The following EFCAB7 variants were observed in gnomAD, a reference collection of about 807,000 sequenced individuals.
EFCAB7 encodes the protein EF-hand calcium binding domain 7.
A neutral mutation model predicts 77.1 loss-of-function variants in EFCAB7; 66 were observed. That is an observed-to-expected ratio of 0.86 (90% confidence interval 0.70 to 1.05). EFCAB7 has a LOEUF of 1.05. EFCAB7 is among the 50% of genes least tolerant of loss of function. The pLI is 0.00. For missense variants in EFCAB7, 638 were observed against 730.5 expected (o/e 0.87, Z 1.46); for synonymous variants, 225 against 243.3 (o/e 0.92, Z 0.70).
chr1:63,574,811 GT>G (rs1647364653), downstream of EFCAB7, among the ~76,000 whole-genome samples: 3 of 152,200 alleles, frequency 2.0e-5, no homozygotes, highest in Admixed American at 6.5e-5. Flanking sequence ...TTTACAGTCA[GT>G]ATAAATATTG....
chr1:63,578,891 T>G, the EFCAB7 span, among the ~76,000 whole-genome samples: 1 of 152,236 alleles, frequency 6.6e-6, no homozygotes, highest in Non-Finnish European at 1.5e-5. Flanking sequence ...TGTGAACAAG[T>G]ATTACAGTCT....
At chr1:63,562,739 G>C (rs951736038) in intron 11 of EFCAB7, among the ~76,000 whole-genome samples, 1 of 148,324 alleles carries the variant, frequency 6.7e-6, no homozygotes, top group Non-Finnish European at 1.5e-5. Flanking sequence ...TATATTTTAT[G>C]TCAGATTTAA....
At chr1:63,547,277 T>C (rs1646910016) in intron 7 of EFCAB7, 1 of 152,198 alleles carries the variant, frequency 6.6e-6, no homozygotes, top group Admixed American at 6.5e-5. Context: ...ATCGAGGGCC[T>C]TATATACCAG....
chr1:63,531,393 GTATT>G (rs1317443245), intron 2 of EFCAB7, among the ~76,000 whole-genome samples: 2 of 152,072 alleles, frequency 1.3e-5, no homozygotes, highest in African/African-American at 4.8e-5. Flanking sequence ...AGTCATTAAG[GTATT>G]TATTTAGCCA....
At chr1:63,582,124 C>T in the EFCAB7 span, among the ~76,000 whole-genome samples, 3 of 152,208 alleles carry the variant, frequency 2.0e-5, no homozygotes, top group African/African-American at 7.2e-5. Context: ...AGCAGCTTGT[C>T]TCTCCAGTAA....
chr1:63,567,885 G>A (rs1272320038), intron 11 of EFCAB7, among the ~76,000 whole-genome samples: 3 of 152,142 alleles, frequency 2.0e-5, no homozygotes, highest in Admixed American at 6.5e-5. Flanking sequence ...TAGACTAAAC[G>A]TTTAGTCAGT....
the EFCAB7 span, among the ~76,000 whole-genome samples, chr1:63,584,584 G>A: frequency 6.6e-6 from 1 of 152,100 alleles, no homozygotes; most frequent in Non-Finnish European, 1.5e-5. Flanking sequence ...GTATTTCCAA[G>A]TTACACCAAG....
chr1:63,583,938 CAAAAAAAAA>C, the EFCAB7 span, among the ~76,000 whole-genome samples: 8 of 82,656 alleles, frequency 9.7e-5, no homozygotes, highest in African/African-American at 3.7e-4. Context: ...TGGATATGGC[CAAAAAAAAA>C]AAAAAAAAAA....
chr1:63,524,693 C>T (rs1004613138), intron 1 of EFCAB7, among the ~76,000 whole-genome samples: 10 of 152,132 alleles, frequency 6.6e-5, no homozygotes, highest in Non-Finnish European at 1.5e-4. Context: ...AACCATTGTT[C>T]AGTACTATAT....
the EFCAB7 span, among the ~76,000 whole-genome samples, chr1:63,580,042 C>T: frequency 1.3e-5 from 2 of 152,022 alleles, no homozygotes; most frequent in South Asian, 4.1e-4. Context: ...TTAACTGGAT[C>T]GTATAGAGAG....
intron 12 of EFCAB7, chr1:63,570,700 A>T (rs1202854091): frequency 1.2e-5 from 2 of 168,886 alleles, no homozygotes; most frequent in African/African-American, 4.7e-5. Flanking sequence ...TAGAGATAAC[A>T]ACAAAAGAAA....
At chr1:63,573,040 C>CGATGTGT (rs1482486738), downstream of EFCAB7, among the ~76,000 whole-genome samples, 1 of 152,040 alleles carries the variant, frequency 6.6e-6, no homozygotes, top group Non-Finnish European at 1.5e-5. Context: ...CCGGCCATCT[C>CGATGTGT]GATGTGTACG....
intron 8 of EFCAB7, 165 bp downstream of exon 8, chr1:63,551,999 TATTAA>T (rs144798354): frequency 0.036 from 7,778 of 217,876 alleles, 660 homozygotes; most frequent in African/African-American, 0.17. Flanking sequence ...AATTTAATCA[TATTAA>T]ATTAAATTAA....
At chr1:63,524,524 G>A (rs568242043) in intron 1 of EFCAB7, among the ~76,000 whole-genome samples, 53 of 152,304 alleles carry the variant, frequency 3.5e-4, no homozygotes, top group Admixed American at 1.2e-3. Flanking sequence ...TCCTGAGTAG[G>A]AATGCAATGA....
At chr1:63,566,402 GCTTA>G (rs1404641432) in intron 11 of EFCAB7, among the ~76,000 whole-genome samples, 2 of 152,138 alleles carry the variant, frequency 1.3e-5, no homozygotes, top group Non-Finnish European at 2.9e-5. Flanking sequence ...TGGGTACTGG[GCTTA>G]CTACCTGGGT....
At chr1:63,571,612 G>T (rs1353041376) in intron 13 of EFCAB7, among the ~76,000 whole-genome samples, 1 of 140,658 alleles carries the variant, frequency 7.1e-6, no homozygotes, top group African/African-American at 2.6e-5. Context: ...GGAGGTTGCA[G>T]TGAGCTGAGA....
intron 6 of EFCAB7, among the ~76,000 whole-genome samples, chr1:63,540,312 C>T (rs1201985511): frequency 1.4e-5 from 2 of 142,514 alleles, no homozygotes; most frequent in Non-Finnish European, 1.5e-5. Context: ...GGCAGTGGGC[C>T]GAGATGGCGC....
intron 10 of EFCAB7, among the ~76,000 whole-genome samples, chr1:63,559,704 T>C (rs1647072290): frequency 6.6e-6 from 1 of 152,136 alleles, no homozygotes; most frequent in Non-Finnish European, 1.5e-5. Context: ...GGTTCACTCT[T>C]GTCTTGTACA....
chr1:63,541,681 C>T (rs866382023), intron 6 of EFCAB7, among the ~76,000 whole-genome samples: 1 of 152,072 alleles, frequency 6.6e-6, no homozygotes, highest in South Asian at 2.1e-4. Context: ...TCTCCTACCT[C>T]AGCCTCCTGA....
Sources: allele counts gnomAD v4.1 joint callset (sites outside exome capture counted in the v4.1 genomes callset), GRCh38; gene constraint gnomAD v4.1.1; transcripts MANE v1.5; gene names NCBI Gene and HGNC (gene_info 2026-07-23, HGNC 2026-07-21).